CDC14A: variants seen among roughly 807,000 people sequenced by gnomAD.
CDC14A encodes the protein cell division cycle 14A.
A neutral mutation model predicts 74.4 loss-of-function variants in CDC14A; 53 were observed. The ratio of observed to expected loss-of-function variants is 0.71; its 90% CI spans 0.57 to 0.89. The LOEUF (loss-of-function observed/expected upper bound fraction) is 0.89. Among genes scored for constraint, CDC14A ranks in the 40% least tolerant of loss-of-function variants. CDC14A has a pLI of 0.00. For synonymous variants in CDC14A, 247 were observed against 258.4 expected (o/e 0.96, Z 0.43); for missense variants, 646 against 713.7 (o/e 0.91, Z 1.08).
intron 15 of CDC14A, among the ~76,000 whole-genome samples, chr1:100,500,096 G>T (rs1648529347): frequency 6.6e-6 from 1 of 152,118 alleles, no homozygotes; most frequent in Non-Finnish European, 1.5e-5. Context: ...GCCTCTAGGG[G>T]TATTGAGATC....
intron 6 of CDC14A, 84 bp from the exon 7 acceptor site, chr1:100,442,850 C>T: frequency 1.1e-6 from 1 of 895,092 alleles, no homozygotes; most frequent in Non-Finnish European, 1.9e-6. Context: ...TAGTGAGGAT[C>T]ATTTCTGTAA....
At chr1:100,473,274 C>CT (rs1668563039) in intron 10 of CDC14A, among the ~76,000 whole-genome samples, 1 of 151,302 alleles carries the variant, frequency 6.6e-6, no homozygotes, top group African/African-American at 2.5e-5. Flanking sequence ...GATGCAAGTC[C>CT]TTTTTTGTTA....
intron 5 of CDC14A, among the ~76,000 whole-genome samples, chr1:100,429,206 A>AAAATAAATAAAT (rs10529924): frequency 0.31 from 34,799 of 113,238 alleles, 5,421 homozygotes; most frequent in Non-Finnish European, 0.36. Flanking sequence ...TCCATCTCAA[A>AAAATAAATAAAT]AAATAAATAA....
At chr1:100,377,435 A>G in intron 2 of CDC14A, 111 bp from the exon 3 acceptor site, 1 of 730,296 alleles carries the variant, frequency 1.4e-6, no homozygotes, top group South Asian at 1.8e-5. Context: ...GATTAGTTAT[A>G]AGATAATTGA....
intron 2 of CDC14A, among the ~76,000 whole-genome samples, chr1:100,372,525 C>G (rs2100932105): frequency 6.6e-6 from 1 of 152,194 alleles, no homozygotes; most frequent in African/African-American, 2.4e-5. Context: ...CTGAAGAACC[C>G]AGTTTCTTTG....
At chr1:100,441,655 T>C (rs1664943989) in intron 6 of CDC14A, among the ~76,000 whole-genome samples, 1 of 152,156 alleles carries the variant, frequency 6.6e-6, no homozygotes, top group Non-Finnish European at 1.5e-5. Context: ...ACTCAGTTTT[T>C]TTTTTTTTTT....
chr1:100,407,737 T>G (rs546774766), intron 4 of CDC14A, among the ~76,000 whole-genome samples: 1 of 152,314 alleles, frequency 6.6e-6, no homozygotes, highest in South Asian at 2.1e-4. Flanking sequence ...TCCAATACTA[T>G]GTTGAATAGG....
At chr1:100,496,283 T>C (rs1388385966) in intron 13 of CDC14A, among the ~76,000 whole-genome samples, 1 of 151,976 alleles carries the variant, frequency 6.6e-6, no homozygotes, top group Non-Finnish European at 1.5e-5. Flanking sequence ...GAGACATCAA[T>C]GTATTTTGTG....
chr1:100,374,460 A>C (rs1272266202), intron 2 of CDC14A, among the ~76,000 whole-genome samples: 1 of 152,186 alleles, frequency 6.6e-6, no homozygotes, highest in Admixed American at 6.5e-5. Flanking sequence ...CATCCTCTCC[A>C]GCACCTGTTG....
chr1:100,377,264 A>G (rs1302358425), intron 2 of CDC14A, among the ~76,000 whole-genome samples: 1 of 151,938 alleles, frequency 6.6e-6, no homozygotes, highest in African/African-American at 2.4e-5. Context: ...GGTCTCGAAC[A>G]CCTGACCTCA....
intron 11 of CDC14A, among the ~76,000 whole-genome samples, chr1:100,490,318 T>C (rs1384864512): frequency 6.6e-6 from 1 of 152,230 alleles, no homozygotes; most frequent in South Asian, 2.1e-4. Flanking sequence ...ATAATGTTAC[T>C]ATTTTTCTTG....
At position 100,508,759 on chromosome 1, in the gene CDC14A, G is replaced by A. The variant is rs184522735; in HGVS notation, c.1756-9492G>A. Among the ~76,000 whole-genome samples, 3 of 152,226 alleles carry A rather than the reference G, an allele frequency of 2.0e-5. No individual in the cohort carries two copies. Among genetic ancestry groups the A allele is most frequent in the South Asian group, 4.2e-4 (2 of 4,818 alleles). ...CCCTGATTTCAGGCCAGGGGCTTTC[G>A]ACCTATGTACCCACATGAATGGAAC... On this transcript the variant is annotated intron_variant, in intron 15 of 15. Transcript: ENST00000336454. This position sits in a 1 kb window ranked among gnomAD's most constrained non-coding sequence, Gnocchi z 4.4.
chr1:100,437,312 A>AG (rs1202813722), intron 5 of CDC14A, among the ~76,000 whole-genome samples: 1 of 152,046 alleles, frequency 6.6e-6, no homozygotes, highest in Non-Finnish European at 1.5e-5. Context: ...CTGTTATAGT[A>AG]TTTTCCTGTG....
Position 100,452,432 on chromosome 1 carries a change from A to G in CDC14A, c.520-2973A>G, listed in dbSNP as rs531004826. 2.0e-5 allele frequency among the ~76,000 whole-genome samples: 3 copies of G among 152,306 alleles called. No homozygotes were observed. In the South Asian group the frequency reaches 6.2e-4, roughly 32 times the overall value. ...GAGGCTAAAGCAGGAGAATTGCTTG[A>G]ACCCGGAGGCAGAGGTTGCAGTGAG... is the stretch of plus-strand genomic sequence containing the variant. On this transcript the variant is annotated intron_variant, in intron 7 of 15. Coordinates refer to ENST00000336454, the MANE Select transcript of CDC14A (RefSeq NM_003672.4).
intron 5 of CDC14A, among the ~76,000 whole-genome samples, chr1:100,437,683 T>C (rs1420835603): frequency 3.3e-5 from 5 of 152,144 alleles, no homozygotes; most frequent in African/African-American, 4.8e-5. Flanking sequence ...TTTTAGTCAC[T>C]GGTAACAATT....
At chr1:100,420,358 G>A (rs865986) in intron 4 of CDC14A, among the ~76,000 whole-genome samples, 1 of 151,552 alleles carries the variant, frequency 6.6e-6, no homozygotes, top group African/African-American at 2.4e-5. Flanking sequence ...AAATGCTTCA[G>A]AAATTCACAT....
chr1:100,454,512 A>G (rs1404451601), intron 7 of CDC14A, among the ~76,000 whole-genome samples: 1 of 152,026 alleles, frequency 6.6e-6, no homozygotes, highest in Non-Finnish European at 1.5e-5. Flanking sequence ...GCACATGGGG[A>G]AGGGAAGAAA....
chr1:100,439,279 T>A (rs959776807), intron 5 of CDC14A, among the ~76,000 whole-genome samples: 1 of 152,178 alleles, frequency 6.6e-6, no homozygotes, highest in African/African-American at 2.4e-5. Context: ...CTTTCTTTTC[T>A]TTTCTTTTTT....
intron 4 of CDC14A, among the ~76,000 whole-genome samples, chr1:100,411,990 A>G (rs138898291): frequency 1.5e-3 from 233 of 152,304 alleles, no homozygotes; most frequent in Admixed American, 4.0e-3. Context: ...TAGAGTGGGA[A>G]TGAACTAGGA....
Sources: allele counts gnomAD v4.1 joint callset (sites outside exome capture counted in the v4.1 genomes callset), GRCh38; gene constraint gnomAD v4.1.1; non-coding constraint Gnocchi (gnomAD v3.1); transcripts MANE v1.5; gene names NCBI Gene and HGNC (gene_info 2026-07-23, HGNC 2026-07-21).